The following SERPINB9 variants were observed in gnomAD, a reference collection of about 807,000 sequenced individuals.
The protein encoded by SERPINB9 is serpin B9.
In SERPINB9, 20 loss-of-function variants were observed where a neutral mutation model predicts 27.2. The ratio of observed to expected loss-of-function variants is 0.74; its 90% CI spans 0.52 to 1.07. The LOEUF (loss-of-function observed/expected upper bound fraction) is 1.07, where lower values mean the gene tolerates loss of function less well. Ranked by LOEUF, SERPINB9 falls within the 50% of genes least tolerant of loss-of-function variation. The probability of loss-of-function intolerance (pLI) is 0.00; values close to 1 mark genes in which losing one functional copy is unlikely to be tolerated. For missense variants in SERPINB9, 476 were observed against 460.1 expected, an observed-to-expected ratio of 1.03 and a Z score of -0.32; for synonymous variants, 189 against 180.0, an observed-to-expected ratio of 1.05 and a Z score of -0.40.
At position 2,898,501 on chromosome 6, in the gene SERPINB9, A is replaced by G. The variant is rs528220013; in HGVS notation, c.168+1943T>C. Among the ~76,000 whole-genome samples the G allele has an allele frequency of 6.4e-4, 98 of 152,318 alleles. 1 individual carries two copies. Among genetic ancestry groups the G allele is most frequent in the African/African-American group, 2.2e-3 (93 of 41,566 alleles). On this transcript the variant is annotated intron_variant, in intron 2 of 6. Coordinates refer to ENST00000380698, the MANE Select transcript of SERPINB9 (RefSeq NM_004155.6). Reference sequence around the variant, plus strand: ...AAAGTAAAGATACCATATAATCACCAAAGTACAAAATGTCAAGTGAAAATC... The same window carrying G: ...AAAGTAAAGATACCATATAATCACCGAAGTACAAAATGTCAAGTGAAAATC...
At chr6:2,902,357 AGGCTCTGCAGGCGAGCGCTGAGCCT>A (rs562259906) in intron 1 of SERPINB9, among the ~76,000 whole-genome samples, 1 of 152,208 alleles carries the variant, frequency 6.6e-6, no homozygotes, top group Non-Finnish European at 1.5e-5. Context: ...CACAGACCGC[AGGCTCTGCAGGCGAGCGCTGAGCCT>A]GGCTCTGCAG....
chr6:2,896,067 A>C lies in SERPINB9; in HGVS notation c.292T>G (p.Cys98Gly). 6.2e-7 allele frequency: 1 copy of C among 1,613,274 alleles called. No individual in the cohort carries two copies. Among genetic ancestry groups the C allele is most frequent in the Non-Finnish European group, 8.5e-7 (1 of 1,179,808 alleles). ...ATTCAACTTACTGAGAGGAACTGAC[A>C]AGTTTTCTCTCCAAAGAGCCTGTTG... ...TANRLFGEKT[C>G]QFLSTFKESC... is the part of the protein sequence containing the mutation. The change falls in exon 3 of 7, where the codon TGT becomes GGT. Residue 98 changes from cysteine (C) to glycine (G), a missense_variant. Cys to Gly is a radical substitution (Grantham distance 159, BLOSUM62 -3). Coordinates refer to ENST00000380698, the MANE Select transcript of SERPINB9 (RefSeq NM_004155.6).
rs535487251 is a variant in SERPINB9 at position 2,892,105 on chromosome 6, T to TAAAAAAAAAAAA, written c.568-129_568-118dup. On this transcript the variant is annotated intron_variant, in intron 5 of 6. Transcript: ENST00000380698. ...GCCACATTCATGCCCCAGTTAACAC[T>TAAAAAAAAAAAA]AAAAAAAAAAAAAAAAAAAAAAAAA... 7.4e-5 allele frequency: 8 copies of TAAAAAAAAAAAA among 107,666 alleles called. 1 individual carries two copies. Among genetic ancestry groups the TAAAAAAAAAAAA allele is most frequent in the African/African-American group, 5.4e-4 (7 of 12,948 alleles). The allele number at this position is 107,666 out of a possible 1,614,324, so 6.7% of individuals were successfully genotyped here. A position where few individuals can be genotyped will look rare whatever the true frequency, so the allele number is the denominator to read the frequency against.
intron 5 of SERPINB9, among the ~76,000 whole-genome samples, chr6:2,893,053 C>CGTT (rs542385110): frequency 1.9e-4 from 22 of 113,524 alleles, no homozygotes; most frequent in East Asian, 5.2e-4. Flanking sequence ...TACCTTAACA[C>CGTT]TTTTTTTTTT....
rs978272332 is a variant in SERPINB9 at position 2,892,050 on chromosome 6, A to G, written c.568-62T>C. 2.7e-6 allele frequency: 4 copies of G among 1,503,150 alleles called. No homozygotes were observed. The South Asian group carries it at 4.5e-5, about 17-fold the overall frequency. 93.1% of individuals were successfully genotyped at this position (1,503,150 alleles called of 1,614,324 possible). On this transcript the variant is annotated intron_variant, in intron 5 of 6. Coordinates refer to ENST00000380698, the MANE Select transcript of SERPINB9 (RefSeq NM_004155.6). ...TTCAAAAGAGCTGCAGTTGCCTCCA[A>G]GAGTGTTTTCAGCACCTGTGATGGA...
At chr6:2,898,314 G>A (rs908885028) in intron 2 of SERPINB9, among the ~76,000 whole-genome samples, 1 of 152,112 alleles carries the variant, frequency 6.6e-6, no homozygotes, top group South Asian at 2.1e-4. Flanking sequence ...CTCATAGACT[G>A]TTGATGAGAA....
Position 2,895,590 on chromosome 6 carries a change from C to G in SERPINB9, c.307-82G>C. 3 of 825,380 alleles carry G rather than the reference C, an allele frequency of 3.6e-6. No homozygotes were observed. In the South Asian group the frequency reaches 4.5e-5, roughly 12 times the overall value. The allele number at this position is 825,380 out of a possible 1,614,324, so 51.1% of individuals were successfully genotyped here. On this transcript the variant is annotated intron_variant, in intron 3 of 6. Coordinates refer to ENST00000380698, the MANE Select transcript of SERPINB9 (RefSeq NM_004155.6). ...CTTCCAAAAATTCTAAATATGTTAT[C>G]TTTTTTTAATAAAAAGAATATACAT...
At chr6:2,902,949 G>A (rs565789772) in intron 1 of SERPINB9, among the ~76,000 whole-genome samples, 2 of 152,324 alleles carry the variant, frequency 1.3e-5, no homozygotes, top group East Asian at 3.9e-4. Flanking sequence ...CTTCGGCCAG[G>A]GAAGGGCAGC....
chr6:2,900,152 T>C, intron 2 of SERPINB9: 1 of 469,416 alleles, frequency 2.1e-6, no homozygotes. Context: ...ATAATTTCAG[T>C]GTCATTTTCT....
At position 2,890,721 on chromosome 6, in the gene SERPINB9, ACT is replaced by A; in HGVS notation, c.724-153_724-152del. The A allele has an allele frequency of 1.4e-6, 1 of 722,406 alleles. No homozygotes were observed. The highest frequency in any genetic ancestry group is 2.3e-6 in the Non-Finnish European group (1 of 443,644). The allele number at this position is 722,406 out of a possible 1,614,324, so 44.7% of individuals were successfully genotyped here. On this transcript the variant is annotated intron_variant, in intron 6 of 6. Coordinates refer to ENST00000380698, the MANE Select transcript of SERPINB9 (RefSeq NM_004155.6). The surrounding 1 kb of genome is among the most constrained non-coding windows in gnomAD (Gnocchi z 6.2). ...CTTCATCTGCCAGAAGCTTGTGAGC[ACT>A]CTTACTTGTCCTATGTCCCATGTGC...
At position 2,894,941 on chromosome 6, in the gene SERPINB9, G is replaced by C. The variant is rs978759006; in HGVS notation, c.424+450C>G. ...TGTATTTTTAGTAGAGATGTTGGGCGGGGGGGGGTCCCACCATGTTGGTCA... is the reference window on the plus strand; with the variant it reads ...TGTATTTTTAGTAGAGATGTTGGGCCGGGGGGGGTCCCACCATGTTGGTCA... On this transcript the variant is annotated intron_variant, in intron 4 of 6. Coordinates refer to ENST00000380698, the MANE Select transcript of SERPINB9 (RefSeq NM_004155.6). This position sits in a 1 kb window ranked among gnomAD's most constrained non-coding sequence, Gnocchi z 4.7. 7.0e-5 allele frequency among the ~76,000 whole-genome samples: 2 copies of C among 28,516 alleles called. No individual in the cohort carries two copies. Among genetic ancestry groups the C allele is most frequent in the African/African-American group, 3.4e-4 (2 of 5,928 alleles). The allele number at this position is 28,516 out of a possible 152,430, so 18.7% of individuals were successfully genotyped here. A position where few individuals can be genotyped will look rare whatever the true frequency, so the allele number is the denominator to read the frequency against.
Position 2,893,508 on chromosome 6 carries a change from G to T in SERPINB9, c.470C>A (p.Thr157Asn), listed in dbSNP as rs1231641603. Residue 157 changes from threonine to asparagine, a missense_variant, in exon 5 of 7, where the codon ACC becomes AAC. Coordinates refer to ENST00000380698, the MANE Select transcript of SERPINB9 (RefSeq NM_004155.6). ...GATGGCATTGACAAGAACCAGCCTG[G>T]TTTCTGCATCAATTGAGCTACCCGG... ...LLPGSSIDAETRLVLVNAIYF... is the reference protein window; with the variant it reads ...LLPGSSIDAENRLVLVNAIYF... The T allele has an allele frequency of 6.2e-7, 1 of 1,612,546 alleles. No individual in the cohort carries two copies. Among genetic ancestry groups the T allele is most frequent in the Admixed American group, 1.7e-5 (1 of 59,856 alleles).
In SERPINB9 at chr6:2,890,873, GTGTT is replaced by G. The variant is rs925777395; in HGVS notation, c.724-307_724-304del. ...GACAAGTGTCAATGCCCAGGCGACTGTGTTTTTTTTTCAAACATAGTCTTTTTAA... is the reference window on the plus strand; with the variant it reads ...GACAAGTGTCAATGCCCAGGCGACTGTTTTTTTCAAACATAGTCTTTTTAA... On this transcript the variant is annotated intron_variant, in intron 6 of 6. Transcript: ENST00000380698. The surrounding 1 kb of genome is among the most constrained non-coding windows in gnomAD (Gnocchi z 6.2). Among the ~76,000 whole-genome samples, 16 of 152,072 alleles carry G rather than the reference GTGTT, an allele frequency of 1.1e-4. No individual in the cohort carries two copies. The highest frequency in any genetic ancestry group is 3.9e-4 in the African/African-American group (16 of 41,404).
chr6:2,898,872 G>A (rs1482209418), intron 2 of SERPINB9, among the ~76,000 whole-genome samples: 1 of 151,708 alleles, frequency 6.6e-6, no homozygotes, highest in Non-Finnish European at 1.5e-5. Context: ...AAGGGTGGTT[G>A]TCTCTGTTTG....
intron 5 of SERPINB9, among the ~76,000 whole-genome samples, chr6:2,893,187 C>CAT (rs57141452): frequency 0.17 from 7,689 of 46,584 alleles, 822 homozygotes; most frequent in East Asian, 0.31. Context: ...TAAAACACTA[C>CAT]ATATATATAT....
chr6:2,889,557 T>A lies in SERPINB9; in HGVS notation c.*606A>T, dbSNP rs1036771588. 1 of 151,094 alleles carries A rather than the reference T, an allele frequency of 6.6e-6. No homozygotes were observed. The highest frequency in any genetic ancestry group is 1.5e-5 in the Non-Finnish European group (1 of 67,830). 9.4% of individuals were successfully genotyped at this position (151,094 alleles called of 1,614,324 possible). ...AAAAATACAAAAAATTAGCCGGGCG[T>A]GGTGGCGGGCGCCTGTAGTCCCAGC... On this transcript the variant is annotated 3_prime_UTR_variant, in exon 7 of 7. Transcript: ENST00000380698.
At chr6:2,900,771 A>G in intron 1 of SERPINB9, 150 bp from the exon 2 acceptor site, 1 of 742,192 alleles carries the variant, frequency 1.3e-6, no homozygotes, top group Non-Finnish European at 2.2e-6. Context: ...ATTTTCTGTT[A>G]GTCTCCGGCC....
At chr6:2,899,170 C>CA in intron 2 of SERPINB9, among the ~76,000 whole-genome samples, 1 of 152,160 alleles carries the variant, frequency 6.6e-6, no homozygotes, top group Non-Finnish European at 1.5e-5. Flanking sequence ...AAGGGTTTAT[C>CA]AGTGAGCCTA....
At position 2,894,320 on chromosome 6, in the gene SERPINB9, G is replaced by A. The variant is rs1296496760; in HGVS notation, c.425-767C>T. 6.6e-6 allele frequency among the ~76,000 whole-genome samples: 1 copy of A among 152,176 alleles called. No individual in the cohort carries two copies. Among genetic ancestry groups the A allele is most frequent in the African/African-American group, 2.4e-5 (1 of 41,436 alleles). Reference sequence around the variant, plus strand: ...CCTGGTGGTACTAAGCATAATTGGCGCAGAGGAGTCTGAATGGTTCATCAG... The same window carrying A: ...CCTGGTGGTACTAAGCATAATTGGCACAGAGGAGTCTGAATGGTTCATCAG... On this transcript the variant is annotated intron_variant, in intron 4 of 6. Coordinates refer to ENST00000380698, the MANE Select transcript of SERPINB9 (RefSeq NM_004155.6). The surrounding 1 kb of genome is among the most constrained non-coding windows in gnomAD (Gnocchi z 4.7).
Sources: allele counts gnomAD v4.1 joint callset (sites outside exome capture counted in the v4.1 genomes callset), GRCh38; gene constraint gnomAD v4.1.1; non-coding constraint Gnocchi (gnomAD v3.1); transcripts MANE v1.5; gene names NCBI Gene and HGNC (gene_info 2026-07-23, HGNC 2026-07-21).